ZNF410: variants seen among roughly 807,000 people sequenced by gnomAD.
ZNF410 encodes the protein zinc finger protein 410.
ZNF410 carries 18 observed loss-of-function variants against 54.8 expected under a neutral mutation model. The ratio of observed to expected loss-of-function variants is 0.33; its 90% CI spans 0.23 to 0.49. ZNF410 has a LOEUF of 0.49. Ranked by LOEUF, ZNF410 falls within the 20% of genes least tolerant of loss-of-function variation. The pLI is 0.99. For missense variants in ZNF410, 405 were observed against 569.6 expected, an observed-to-expected ratio of 0.71 and a Z score of 2.94; for synonymous variants, 191 against 207.3, an observed-to-expected ratio of 0.92 and a Z score of 0.68.
chr14:73,896,457 C>A lies in ZNF410; in HGVS notation c.311C>A (p.Ser104Ter). The change falls in exon 4 of 12, where the codon TCA (serine) becomes TAA (stop). Residue 104 changes from serine to a stop codon, truncating the protein, a stop_gained. Coordinates refer to ENST00000555044, the MANE Select transcript of ZNF410 (RefSeq NM_021188.3). LOFTEE classifies it high-confidence loss of function. Reference sequence around the variant, plus strand: ...AAATCCCCGGAGTTTTTGTCCACTTCAGAGTCTTCTAGCTTGTTGCAAGAT... The same window carrying A: ...AAATCCCCGGAGTTTTTGTCCACTTAAGAGTCTTCTAGCTTGTTGCAAGAT... ...VQKSPEFLSTSESSSLLQDLQ... is the reference protein window; with the variant it reads ...VQKSPEFLST The A allele has an allele frequency of 6.2e-7, 1 of 1,614,186 alleles. No individual in the cohort carries two copies. Among genetic ancestry groups the A allele is most frequent in the Non-Finnish European group, 8.5e-7 (1 of 1,180,028 alleles).
chr14:73,915,176 C>T lies in ZNF410; in HGVS notation c.1003+5746C>T, dbSNP rs77819412. 7.9e-3 allele frequency among the ~76,000 whole-genome samples: 1,172 copies of T among 147,988 alleles called. 20 individuals are homozygous for T. The East Asian group carries it at 0.082, about 10-fold the overall frequency. ...ATTCAGGTGGCTGAGGCATGAGAATCGCTTAAACCCAGGAGGTGGAGGTTG... is the reference window on the plus strand; with the variant it reads ...ATTCAGGTGGCTGAGGCATGAGAATTGCTTAAACCCAGGAGGTGGAGGTTG... On this transcript the variant is annotated intron_variant, in intron 8 of 11. Coordinates refer to ENST00000555044, the MANE Select transcript of ZNF410 (RefSeq NM_021188.3).
intron 5 of ZNF410, 187 bp downstream of exon 5, chr14:73,898,449 C>T: frequency 3.1e-6 from 2 of 653,306 alleles, no homozygotes; most frequent in Non-Finnish European, 5.1e-6. Context: ...GTGTTCAAAA[C>T]CAACTAGTAT....
chr14:73,909,807 T>C (rs912722291), intron 8 of ZNF410, among the ~76,000 whole-genome samples: 1 of 152,200 alleles, frequency 6.6e-6, no homozygotes, highest in Non-Finnish European at 1.5e-5. Context: ...ATATAAGTTG[T>C]AGCAGCACCA....
intron 10 of ZNF410, 110 bp downstream of exon 10, chr14:73,922,316 T>C: frequency 2.6e-6 from 3 of 1,174,546 alleles, no homozygotes; most frequent in Non-Finnish European, 3.5e-6. Context: ...TGAGTAGCTG[T>C]GGTATGAGTA....
chr14:73,900,215 C>G (rs2055384789), intron 5 of ZNF410, among the ~76,000 whole-genome samples: 1 of 151,768 alleles, frequency 6.6e-6, no homozygotes, highest in Non-Finnish European at 1.5e-5. Context: ...AAAAATCACC[C>G]CAAATATAAG....
chr14:73,927,089 A>ATTT (rs113156661), intron 11 of ZNF410: 257 of 151,770 alleles, frequency 1.7e-3, no homozygotes, highest in South Asian at 4.7e-3. Context: ...GTTTATTATG[A>ATTT]TTTTTTTTTT....
chr14:73,896,319 A>G lies in ZNF410; in HGVS notation c.173A>G (p.Asp58Gly). 6.2e-7 allele frequency: 1 copy of G among 1,613,792 alleles called. No homozygotes were observed. The highest frequency in any genetic ancestry group is 8.5e-7 in the Non-Finnish European group (1 of 1,179,770). ...SECSRLMLPD[D>G]TTNHSNSSKE... Reference sequence around the variant, plus strand: ...TGTGGTATTTTCCCTTTACTAGATGATACTACAAATCATTCTAACTCCTCC... The same window carrying G: ...TGTGGTATTTTCCCTTTACTAGATGGTACTACAAATCATTCTAACTCCTCC... Residue 58 changes from aspartate (D) to glycine (G), a missense_variant, in exon 4 of 12, where the codon GAT becomes GGT. Coordinates refer to ENST00000555044, the MANE Select transcript of ZNF410 (RefSeq NM_021188.3).
intron 5 of ZNF410, 65 bp from the exon 6 acceptor site, chr14:73,903,895 T>C (rs754929617): frequency 1.3e-6 from 2 of 1,583,616 alleles, no homozygotes; most frequent in Non-Finnish European, 1.7e-6. Flanking sequence ...AGGAGCTTTA[T>C]TGTTTGAGCC....
In ZNF410 at chr14:73,905,079, C is replaced by T. The variant is rs1468146893; in HGVS notation, c.909C>T (p.His303=). ...ACCTGAAGAACCACCGGCGCATCCA[C>T]ACAGGTGTGTGCAGCACCAACATTC... is the stretch of plus-strand genomic sequence containing the variant. ...AGNLKNHRRI[H]TGEKPFLCEA... is the part of the protein sequence containing the mutation. The change falls in exon 7 of 12, where the codon CAC becomes CAT. Residue 303 remains histidine, a synonymous_variant. Transcript: ENST00000555044. 4 of 1,612,878 alleles carry T rather than the reference C, an allele frequency of 2.5e-6. No individual in the cohort carries two copies. The highest frequency in any genetic ancestry group is 2.2e-5 in the South Asian group (2 of 91,016).
intron 2 of ZNF410, 200 bp from the exon 3 acceptor site, chr14:73,893,597 C>T (rs2055264599): frequency 4.0e-6 from 2 of 506,004 alleles, no homozygotes; most frequent in South Asian, 5.2e-5. Context: ...TGTCGTTTTG[C>T]AGCACATGAC....
At chr14:73,895,949 TA>T (rs2140297326) in intron 3 of ZNF410, among the ~76,000 whole-genome samples, 1 of 152,330 alleles carries the variant, frequency 6.6e-6, no homozygotes, top group African/African-American at 2.4e-5. Context: ...CCAGGAAAAA[TA>T]AAATGTAGAT....
At chr14:73,930,904 T>C (rs1394019468) in intron 11 of ZNF410, among the ~76,000 whole-genome samples, 1 of 152,178 alleles carries the variant, frequency 6.6e-6, no homozygotes, top group African/African-American at 2.4e-5. Flanking sequence ...CCCAGCCTCA[T>C]TTTGTTTTTA....
chr14:73,887,895 T>G (rs2055168932), intron 1 of ZNF410, among the ~76,000 whole-genome samples: 2 of 152,310 alleles, frequency 1.3e-5, no homozygotes, highest in African/African-American at 4.8e-5. Context: ...TTTAGGGCTA[T>G]GACAATTTTT....
At chr14:73,888,136 A>G (rs1367714195) in intron 1 of ZNF410, 1 of 152,202 alleles carries the variant, frequency 6.6e-6, no homozygotes, top group African/African-American at 2.4e-5. Flanking sequence ...ATTATTTAAA[A>G]ATGGAGAATG....
intron 1 of ZNF410, among the ~76,000 whole-genome samples, chr14:73,888,926 A>G (rs1392833780): frequency 6.6e-6 from 1 of 152,244 alleles, no homozygotes; most frequent in Non-Finnish European, 1.5e-5. Context: ...ATTGTATGGT[A>G]GTACTTAGTT....
At chr14:73,919,896 T>TTG in intron 8 of ZNF410, among the ~76,000 whole-genome samples, 2 of 146,636 alleles carry the variant, frequency 1.4e-5, no homozygotes, top group South Asian at 2.3e-4. Context: ...GTTTTTTTTT[T>TTG]TTTTTTTTTT....
intron 8 of ZNF410, among the ~76,000 whole-genome samples, chr14:73,919,151 G>C (rs967431746): frequency 6.7e-6 from 1 of 150,274 alleles, no homozygotes; most frequent in Non-Finnish European, 1.5e-5. Flanking sequence ...GATTATATGC[G>C]CCCGCCACCA....
intron 10 of ZNF410, chr14:73,922,839 G>C (rs994391107): frequency 6.6e-6 from 1 of 152,270 alleles, no homozygotes; most frequent in Non-Finnish European, 1.5e-5. Flanking sequence ...GTACATAAAA[G>C]ATAGTATATA....
At chr14:73,904,757 A>T (rs35464797) in intron 6 of ZNF410, 145 bp from the exon 7 acceptor site, 2 of 870,240 alleles carry the variant, frequency 2.3e-6, no homozygotes, top group South Asian at 3.9e-5. Context: ...CCACCCAGCT[A>T]TAGTTTTAAC....
Sources: gnomAD v4.1 joint callset for allele counts (sites outside exome capture counted in the v4.1 genomes callset) on GRCh38, gnomAD v4.1.1 for gene constraint, MANE v1.5 for transcripts, NCBI Gene and HGNC (gene_info 2026-07-23, HGNC 2026-07-21) for gene names.